The following WNT2 variants were observed in gnomAD, a reference collection of about 807,000 sequenced individuals.
The protein encoded by WNT2 is protein Wnt-2.
Under a neutral mutation model 36.9 loss-of-function variants are expected in WNT2, and 12 were observed. The observed-to-expected ratio is 0.33, with a 90% CI of 0.21 to 0.53. The LOEUF (loss-of-function observed/expected upper bound fraction) is 0.53. WNT2 is among the 20% of genes least tolerant of loss of function. The pLI is 0.95. For synonymous variants in WNT2, 163 were observed against 174.6 expected, an observed-to-expected ratio of 0.93 and a Z score of 0.52; for missense variants, 379 against 473.1, an observed-to-expected ratio of 0.80 and a Z score of 1.84.
chr7:117,301,574 G>C (rs568921087), intron 3 of WNT2, among the ~76,000 whole-genome samples: 22 of 152,276 alleles, frequency 1.4e-4, no homozygotes, highest in Admixed American at 3.9e-4. Context: ...AATTATCACC[G>C]TCAGGCAAAG....
At chr7:117,303,400 A>G (rs188233993) in intron 3 of WNT2, among the ~76,000 whole-genome samples, 39 of 152,304 alleles carry the variant, frequency 2.6e-4, no homozygotes, top group Non-Finnish European at 5.1e-4. Context: ...AATCTCTGCT[A>G]GTGCTGCTTT....
At chr7:117,280,158 G>A (rs974224547) in intron 4 of WNT2, among the ~76,000 whole-genome samples, 3 of 152,104 alleles carry the variant, frequency 2.0e-5, no homozygotes, top group East Asian at 1.9e-4. Context: ...GCAAAAGGCC[G>A]GGGTCAGGGT....
chr7:117,280,207 C>A (rs138082281), intron 4 of WNT2, among the ~76,000 whole-genome samples: 7 of 152,132 alleles, frequency 4.6e-5, no homozygotes, highest in Non-Finnish European at 7.3e-5. Context: ...GAGCCTGCAT[C>A]GTGCTGAAGA....
chr7:117,312,883 A>G (rs1795147830), intron 3 of WNT2, among the ~76,000 whole-genome samples: 1 of 152,248 alleles, frequency 6.6e-6, no homozygotes. Flanking sequence ...CTGACTTTTA[A>G]CATTAGCTAA....
At chr7:117,306,098 CCTT>C (rs1795009542) in intron 3 of WNT2, among the ~76,000 whole-genome samples, 1 of 152,210 alleles carries the variant, frequency 6.6e-6, no homozygotes, top group Non-Finnish European at 1.5e-5. Flanking sequence ...GCTTCTCCAT[CCTT>C]CTTTGTGAGC....
intron 4 of WNT2, among the ~76,000 whole-genome samples, chr7:117,291,798 A>G (rs894641204): frequency 3.3e-5 from 5 of 151,854 alleles, no homozygotes; most frequent in Admixed American, 3.3e-4. Flanking sequence ...TTTTTTTGAG[A>G]CAGAGTTTCA....
chr7:117,319,064 T>C (rs1795272574), intron 2 of WNT2, among the ~76,000 whole-genome samples: 1 of 152,170 alleles, frequency 6.6e-6, no homozygotes, highest in African/African-American at 2.4e-5. Context: ...TGCAAAATGG[T>C]TGTAAGCACT....
At chr7:117,313,632 C>A (rs1795163278) in intron 3 of WNT2, among the ~76,000 whole-genome samples, 1 of 152,152 alleles carries the variant, frequency 6.6e-6, no homozygotes, top group South Asian at 2.1e-4. Flanking sequence ...AGAAATCTAA[C>A]TATATACCCT....
chr7:117,297,215 G>C (rs1445787081), intron 4 of WNT2, among the ~76,000 whole-genome samples: 1 of 152,114 alleles, frequency 6.6e-6, no homozygotes, highest in Non-Finnish European at 1.5e-5. Context: ...GCTTAGGAGA[G>C]CTCTCTGTGC....
rs1014059804 is a variant in WNT2, at chr7:117,284,910, G to T, written c.854-6526C>A. ...GCAGCTGGTGGCAAGGACAAGATTT[G>T]CAAGCAGGCTTGCCTGACTGTAGAG... On this transcript the variant is annotated intron_variant, in intron 4 of 4. Transcript: ENST00000265441. This position sits in a 1 kb window ranked among gnomAD's most constrained non-coding sequence, Gnocchi z 5.2. Among the ~76,000 whole-genome samples the T allele has an allele frequency of 1.3e-5, 2 of 152,238 alleles. No homozygotes were observed. The highest frequency in any genetic ancestry group is 2.4e-5 in the African/African-American group (1 of 41,464).
In WNT2 at chr7:117,281,229, CTGT is replaced by C. The variant is rs144970037; in HGVS notation, c.854-2848_854-2846del. Among the ~76,000 whole-genome samples, 70 of 152,072 alleles carry C rather than the reference CTGT, an allele frequency of 4.6e-4. 1 individual carries two copies. The highest frequency in any genetic ancestry group is 1.2e-3 in the South Asian group (6 of 4,818). On this transcript the variant is annotated intron_variant, in intron 4 of 4. Transcript: ENST00000265441. ...AGGCTGGAGCAACAGGTTAAAGGGT[CTGT>C]TGTTGTTGTTGTTATTGTTGTTTGA...
chr7:117,283,384 G>C (rs1437944990), intron 4 of WNT2, among the ~76,000 whole-genome samples: 1 of 152,196 alleles, frequency 6.6e-6, no homozygotes, highest in Non-Finnish European at 1.5e-5. Flanking sequence ...ATCAAAATGG[G>C]AATACCGTAC....
intron 3 of WNT2, among the ~76,000 whole-genome samples, chr7:117,300,691 T>C (rs1051023791): frequency 6.6e-6 from 1 of 152,152 alleles, no homozygotes; most frequent in Non-Finnish European, 1.5e-5. Context: ...TCTCAGCTAC[T>C]CAGGAGGCTG....
intron 3 of WNT2, among the ~76,000 whole-genome samples, chr7:117,304,011 C>T (rs1009835270): frequency 3.9e-5 from 6 of 152,340 alleles, no homozygotes; most frequent in Non-Finnish European, 5.9e-5. Flanking sequence ...AGCCTGGACA[C>T]GCTGTATCCT....
At position 117,291,953 on chromosome 7, in the gene WNT2, T is replaced by A. The variant is rs547196203; in HGVS notation, c.853+5659A>T. Among the ~76,000 whole-genome samples, 24 of 152,080 alleles carry A rather than the reference T, an allele frequency of 1.6e-4. No homozygotes were observed. In the East Asian group the frequency reaches 4.5e-3, roughly 28 times the overall value. On this transcript the variant is annotated intron_variant, in intron 4 of 4. Coordinates refer to ENST00000265441, the MANE Select transcript of WNT2 (RefSeq NM_003391.3). ...CCACCACGCCTGGCTAATTTTGTAT[T>A]TTTAGTAGAGATGGGGTTTGTTCAT...
At chr7:117,296,133 G>A (rs1351257483) in intron 4 of WNT2, among the ~76,000 whole-genome samples, 2 of 152,178 alleles carry the variant, frequency 1.3e-5, no homozygotes, top group African/African-American at 4.8e-5. Flanking sequence ...GTAGAGGGGG[G>A]TCAGACCCCT....
At position 117,322,873 on chromosome 7, in the gene WNT2, C is replaced by G. The variant is rs1795355533; in HGVS notation, c.83+34G>C. ...GCCAATGCGGTCCCCATTCCGATCT[C>G]CAAAATCCCCCGCGCCCGTGCGCGT... On this transcript the variant is annotated intron_variant, in intron 1 of 4. Coordinates refer to ENST00000265441, the MANE Select transcript of WNT2 (RefSeq NM_003391.3). The surrounding 1 kb of genome is among the most constrained non-coding windows in gnomAD (Gnocchi z 5.4). 2 of 1,592,224 alleles carry G rather than the reference C, an allele frequency of 1.3e-6. No homozygotes were observed. The highest frequency in any genetic ancestry group is 1.7e-6 in the Non-Finnish European group (2 of 1,172,288).
chr7:117,315,804 C>T (rs909881798), intron 2 of WNT2, among the ~76,000 whole-genome samples: 2 of 152,212 alleles, frequency 1.3e-5, no homozygotes, highest in Admixed American at 6.5e-5. Flanking sequence ...AAATATCCTT[C>T]CAAACCTCCA....
intron 3 of WNT2, 36 bp from the exon 4 acceptor site, chr7:117,297,912 C>T (rs1459152475): frequency 1.3e-5 from 21 of 1,579,394 alleles, no homozygotes; most frequent in East Asian, 1.1e-4. Flanking sequence ...CAGTGAGGTT[C>T]GAGCAGGTGA....
Sources: gnomAD v4.1 joint callset for allele counts (sites outside exome capture counted in the v4.1 genomes callset) on GRCh38, gnomAD v4.1.1 for gene constraint, Gnocchi (gnomAD v3.1) non-coding constraint, MANE v1.5 for transcripts, NCBI Gene and HGNC (gene_info 2026-07-23, HGNC 2026-07-21) for gene names.